PDE4D: variants seen among roughly 807,000 people sequenced by gnomAD.
The protein encoded by PDE4D is phosphodiesterase 4D.
In PDE4D, 24 loss-of-function variants were observed where a neutral mutation model predicts 87.4. The ratio of observed to expected loss-of-function variants is 0.27; its 90% CI spans 0.20 to 0.39. The LOEUF is 0.39. Ranked by LOEUF, PDE4D falls within the 10% of genes least tolerant of loss-of-function variation. PDE4D has a pLI of 1.00. For synonymous variants in PDE4D, 384 were observed against 383.2 expected, an observed-to-expected ratio of 1.00 and a Z score of -0.02; for missense variants, 714 against 1,041.0, an observed-to-expected ratio of 0.69 and a Z score of 4.32.
At chr5:59,916,386 A>G (rs1754045772) in intron 3 of PDE4D, among the ~76,000 whole-genome samples, 1 of 152,232 alleles carries the variant, frequency 6.6e-6, no homozygotes, top group South Asian at 2.1e-4. Context: ...TTAATGTGAG[A>G]AAAGTTTTGA....
chr5:59,148,343 TTC>T (rs1778968199), intron 5 of PDE4D, among the ~76,000 whole-genome samples: 1 of 152,210 alleles, frequency 6.6e-6, no homozygotes, highest in African/African-American at 2.4e-5. Context: ...CTTTTCATTT[TTC>T]TTTTTACTAT....
intron 1 of PDE4D, among the ~76,000 whole-genome samples, chr5:59,882,982 T>C (rs1749671123): frequency 6.6e-6 from 1 of 152,204 alleles, no homozygotes; most frequent in Admixed American, 6.5e-5. Context: ...TTTCGCCATG[T>C]TGGCCAGGCT....
intron 1 of PDE4D, among the ~76,000 whole-genome samples, chr5:59,842,694 T>A (rs776978680): frequency 6.6e-6 from 1 of 152,218 alleles, no homozygotes. Flanking sequence ...TGTACACATA[T>A]AATAATGTCA....
intron 1 of PDE4D, among the ~76,000 whole-genome samples, chr5:59,584,117 C>T (rs1418648575): frequency 5.3e-5 from 8 of 152,152 alleles, no homozygotes; most frequent in Non-Finnish European, 1.2e-4. Flanking sequence ...CGATAATTCA[C>T]GAGCCTGAAA....
At chr5:60,410,350 A>G (rs748530831) in intron 1 of PDE4D, among the ~76,000 whole-genome samples, 6 of 152,068 alleles carry the variant, frequency 3.9e-5, no homozygotes, top group Non-Finnish European at 5.9e-5. Context: ...CCCCTCCCCT[A>G]CATACCAGAC....
intron 1 of PDE4D, among the ~76,000 whole-genome samples, chr5:59,428,405 C>T (rs1795628789): frequency 6.6e-6 from 1 of 151,636 alleles, no homozygotes; most frequent in Admixed American, 6.6e-5. Flanking sequence ...GATGTCTTTC[C>T]CTCCCTCCCT....
intron 2 of PDE4D, among the ~76,000 whole-genome samples, chr5:60,041,084 A>G (rs1768428056): frequency 6.6e-6 from 1 of 152,238 alleles, no homozygotes; most frequent in African/African-American, 2.4e-5. Context: ...TTCTTATAAA[A>G]AATTTCCATC....
chr5:60,139,513 A>G (rs1780336764), intron 2 of PDE4D, among the ~76,000 whole-genome samples: 1 of 152,242 alleles, frequency 6.6e-6, no homozygotes, highest in Admixed American at 6.5e-5. Context: ...TGACTTCTAC[A>G]AAATTTGAGT....
At chr5:59,764,429 C>A (rs1210277512) in intron 1 of PDE4D, among the ~76,000 whole-genome samples, 1 of 152,106 alleles carries the variant, frequency 6.6e-6, no homozygotes, top group Non-Finnish European at 1.5e-5. Context: ...GTAACTTGAC[C>A]AAAGTCACAC....
intron 1 of PDE4D, among the ~76,000 whole-genome samples, chr5:59,245,753 C>T (rs978607644): frequency 3.9e-5 from 6 of 152,066 alleles, no homozygotes; most frequent in African/African-American, 9.7e-5. Flanking sequence ...CCACATCTTG[C>T]TTTTCTCATC....
At chr5:59,775,543 C>G (rs1052381736) in intron 1 of PDE4D, among the ~76,000 whole-genome samples, 1 of 152,154 alleles carries the variant, frequency 6.6e-6, no homozygotes, top group South Asian at 2.1e-4. Flanking sequence ...GTCATCCACA[C>G]CAAATGATCT....
chr5:60,502,255 A>G (rs1750116269), intron 1 of PDE4D, among the ~76,000 whole-genome samples: 1 of 152,248 alleles, frequency 6.6e-6, no homozygotes, highest in Non-Finnish European at 1.5e-5. Flanking sequence ...TTTATTAAAT[A>G]GGGAATCCTT....
intron 1 of PDE4D, among the ~76,000 whole-genome samples, chr5:59,598,649 C>G (rs775993630): frequency 6.6e-6 from 1 of 152,132 alleles, no homozygotes; most frequent in Non-Finnish European, 1.5e-5. Context: ...AAATCCCTGA[C>G]AGCCTCTCTT....
At chr5:60,244,765 C>T (rs6885022) in intron 1 of PDE4D, among the ~76,000 whole-genome samples, 4,125 of 151,836 alleles carry the variant, frequency 0.027, 204 homozygotes, top group African/African-American at 0.094. Flanking sequence ...GAGTGAAACC[C>T]AATCCCTATC....
At chr5:60,094,410 C>A (rs1188747688) in intron 2 of PDE4D, among the ~76,000 whole-genome samples, 1 of 152,026 alleles carries the variant, frequency 6.6e-6, no homozygotes, top group South Asian at 2.1e-4. Flanking sequence ...AAAAATACTT[C>A]TATTTAAATG....
intron 9 of PDE4D, among the ~76,000 whole-genome samples, chr5:58,990,279 C>T (rs898272615): frequency 6.6e-6 from 1 of 152,164 alleles, no homozygotes; most frequent in African/African-American, 2.4e-5. Context: ...AACGTCCTCT[C>T]TAGGGCTGAA....
chr5:59,492,155 C>G (rs1373929084), intron 1 of PDE4D, among the ~76,000 whole-genome samples: 1 of 152,188 alleles, frequency 6.6e-6, no homozygotes, highest in East Asian at 1.9e-4. Flanking sequence ...GTTGCATCAC[C>G]TCTTTCTTCC....
chr5:59,437,573 G>T (rs1359114751), intron 1 of PDE4D, among the ~76,000 whole-genome samples: 3 of 152,072 alleles, frequency 2.0e-5, no homozygotes, highest in Non-Finnish European at 4.4e-5. Flanking sequence ...GGCAAACAAG[G>T]CTCTATATTT....
At chr5:59,609,429 CTA>C (rs1361806091) in intron 1 of PDE4D, among the ~76,000 whole-genome samples, 1 of 137,590 alleles carries the variant, frequency 7.3e-6, no homozygotes, top group Admixed American at 7.3e-5. Flanking sequence ...CTGAATATCA[CTA>C]TGATTTGATG....
Sources: gnomAD v4.1 joint callset for allele counts (sites outside exome capture counted in the v4.1 genomes callset) on GRCh38, gnomAD v4.1.1 for gene constraint, MANE v1.5 for transcripts, NCBI Gene and HGNC (gene_info 2026-07-23, HGNC 2026-07-21) for gene names.